ARHGEF1: variants seen among roughly 807,000 people sequenced by gnomAD.
The protein encoded by ARHGEF1 is Rho guanine nucleotide exchange factor 1, also known as 115 kDa guanine nucleotide exchange factor.
Under a neutral mutation model 119.7 loss-of-function variants are expected in ARHGEF1, and 40 were observed. The observed-to-expected ratio is 0.33, with a 90% CI of 0.26 to 0.44. The LOEUF (loss-of-function observed/expected upper bound fraction) is 0.44, where lower values mean the gene tolerates loss of function less well. Ranked by LOEUF, ARHGEF1 falls within the 20% of genes least tolerant of loss-of-function variation. The pLI, the probability that ARHGEF1 is intolerant of heterozygous loss-of-function variation, is 1.00. For synonymous variants in ARHGEF1, 494 were observed against 521.0 expected, an observed-to-expected ratio of 0.95 and a Z score of 0.71; for missense variants, 976 against 1,268.3, an observed-to-expected ratio of 0.77 and a Z score of 3.50.
chr19:41,892,545 G>T lies in ARHGEF1; in HGVS notation c.368-58G>T, dbSNP rs2074394327. On this transcript the variant is annotated intron_variant, in intron 6 of 28. Transcript: ENST00000354532. The surrounding 1 kb of genome is among the most constrained non-coding windows in gnomAD (Gnocchi z 6.3). ...GCTGTTGGAGTCCAAGGGTGGGTGG[G>T]GACCGTGGTCCAAGCCACCAGGGAG... 3.1e-5 allele frequency: 48 copies of T among 1,566,464 alleles called. No individual in the cohort carries two copies. In the South Asian group the frequency reaches 5.7e-4, roughly 19 times the overall value.
chr19:41,920,381 G>T (rs2074834677), upstream of ARHGEF1, among the ~76,000 whole-genome samples: 2 of 131,730 alleles, frequency 1.5e-5, no homozygotes, highest in African/African-American at 3.0e-5. Context: ...CATGTTCACA[G>T]ACATGACATG....
At chr19:41,893,179 G>A in intron 7 of ARHGEF1, 95 bp from the exon 8 acceptor site, 16 of 1,527,862 alleles carry the variant, frequency 1.0e-5, no homozygotes, top group Non-Finnish European at 1.4e-5. Context: ...TCTTCCCCCT[G>A]CCTATCCCAG....
rs1323540681 is a variant in ARHGEF1 at position 41,888,424 on chromosome 19, G to A, written c.111+146G>A. 11 of 782,730 alleles carry A rather than the reference G, an allele frequency of 1.4e-5. No individual in the cohort carries two copies. The highest frequency in any genetic ancestry group is 6.8e-5 in the South Asian group (4 of 58,446). The allele number at this position is 782,730 out of a possible 1,614,324, so 48.5% of individuals were successfully genotyped here. Reference sequence around the variant, plus strand: ...TCCCTGGTACCTCCTTCCTCACCTCGCCGACCCCACACAGCAGCATAGACG... The same window carrying A: ...TCCCTGGTACCTCCTTCCTCACCTCACCGACCCCACACAGCAGCATAGACG... On this transcript the variant is annotated intron_variant, in intron 3 of 28. Coordinates refer to ENST00000354532, the MANE Select transcript of ARHGEF1 (RefSeq NM_004706.4). The surrounding 1 kb of genome is among the most constrained non-coding windows in gnomAD (Gnocchi z 5.1).
chr19:41,925,645 G>C (rs1349578372), intron 1 of ARHGEF1, among the ~76,000 whole-genome samples: 3 of 152,118 alleles, frequency 2.0e-5, no homozygotes, highest in Admixed American at 2.0e-4. Flanking sequence ...TTGGGGTTAG[G>C]ACACAGGTGG....
Position 41,894,129 on chromosome 19 carries a change from T to TGTGA in ARHGEF1, c.645-75_645-74insAGTG, listed in dbSNP as rs1555846921. ...TCTAGGGGGAGAGAGAGAGAGTGTG[T>TGTGA]GTGTGAGTGTGTGTGTGTGTGTGTG... On this transcript the variant is annotated intron_variant, in intron 8 of 28. Transcript: ENST00000354532. 5.9e-5 allele frequency: 43 copies of TGTGA among 733,162 alleles called. No homozygotes were observed. In the African/African-American group the frequency reaches 9.6e-4, roughly 16 times the overall value. 45.4% of individuals were successfully genotyped at this position (733,162 alleles called of 1,614,324 possible).
chr19:41,915,188 G>C (rs969703600), intron 18 of ARHGEF1, among the ~76,000 whole-genome samples: 1 of 107,350 alleles, frequency 9.3e-6, no homozygotes, highest in African/African-American at 3.7e-5. Flanking sequence ...TTCTCTTCCC[G>C]ACGCTTTCAA....
chr19:41,884,281 C>A, intron 1 of ARHGEF1: 2 of 804,536 alleles, frequency 2.5e-6, no homozygotes, highest in Non-Finnish European at 3.9e-6. Flanking sequence ...CGCAGTACAG[C>A]GCTAGAGCGG....
chr19:41,905,413 G>A lies in ARHGEF1; in HGVS notation c.2336+152G>A. 1.5e-6 allele frequency: 1 copy of A among 679,686 alleles called. No individual in the cohort carries two copies. Among genetic ancestry groups the A allele is most frequent in the Non-Finnish European group, 2.5e-6 (1 of 405,034 alleles). The allele number at this position is 679,686 out of a possible 1,614,324, so 42.1% of individuals were successfully genotyped here. A position where few individuals can be genotyped will look rare whatever the true frequency, so the allele number is the denominator to read the frequency against. ...TACATGTGTGTCTGTACGCAAGTATGTGACTGTGCGTGCATATATAGTGTG... is the reference window on the plus strand; with the variant it reads ...TACATGTGTGTCTGTACGCAAGTATATGACTGTGCGTGCATATATAGTGTG... On this transcript the variant is annotated intron_variant, in intron 24 of 28. Coordinates refer to ENST00000354532, the MANE Select transcript of ARHGEF1 (RefSeq NM_004706.4). The surrounding 1 kb of genome is among the most constrained non-coding windows in gnomAD (Gnocchi z 6.4).
At chr19:41,893,181 C>G in intron 7 of ARHGEF1, 93 bp from the exon 8 acceptor site, 2 of 1,539,628 alleles carry the variant, frequency 1.3e-6, no homozygotes, top group Non-Finnish European at 1.8e-6. Flanking sequence ...TTCCCCCTGC[C>G]TATCCCAGGA....
chr19:41,914,134 C>T (rs918949853), intron 18 of ARHGEF1, among the ~76,000 whole-genome samples: 4 of 150,960 alleles, frequency 2.6e-5, no homozygotes, highest in African/African-American at 4.9e-5. Flanking sequence ...CAGACTCGCC[C>T]GGTCTCCCCA....
Position 41,907,191 on chromosome 19 carries a change from G to A in ARHGEF1, c.*104G>A, listed in dbSNP as rs935210628. Reference sequence around the variant, plus strand: ...GCTGCCGCAGCATCTCACACCCCGAGGGCCTGAGGAGAGGGAGCTGTGGGC... The same window carrying A: ...GCTGCCGCAGCATCTCACACCCCGAAGGCCTGAGGAGAGGGAGCTGTGGGC... On this transcript the variant is annotated 3_prime_UTR_variant, in exon 29 of 29. Coordinates refer to ENST00000354532, the MANE Select transcript of ARHGEF1 (RefSeq NM_004706.4). The A allele has an allele frequency of 5.3e-6, 8 of 1,523,416 alleles. No homozygotes were observed. Among genetic ancestry groups the A allele is most frequent in the Admixed American group, 2.1e-5 (1 of 48,480 alleles). The allele number at this position is 1,523,416 out of a possible 1,614,324, so 94.4% of individuals were successfully genotyped here.
intron 1 of ARHGEF1, among the ~76,000 whole-genome samples, 192 bp from the exon 2 acceptor site, chr19:41,887,872 G>A (rs1037078776): frequency 4.6e-5 from 7 of 152,192 alleles, no homozygotes; most frequent in Non-Finnish European, 2.9e-5. Context: ...CAAGGCTCCC[G>A]TCCCTGGGCT....
chr19:41,906,090 C>T lies in ARHGEF1; in HGVS notation c.2491+65C>T, dbSNP rs1296654667. The T allele has an allele frequency of 3.4e-6, 5 of 1,450,650 alleles. No individual in the cohort carries two copies. Among genetic ancestry groups the T allele is most frequent in the Non-Finnish European group, 3.8e-6 (4 of 1,041,510 alleles). The allele number at this position is 1,450,650 out of a possible 1,614,324, so 89.9% of individuals were successfully genotyped here. On this transcript the variant is annotated intron_variant, in intron 26 of 28. Transcript: ENST00000354532. The surrounding 1 kb of genome is among the most constrained non-coding windows in gnomAD (Gnocchi z 4.5). Reference sequence around the variant, plus strand: ...AACAGTGCCTCTGTTCCAACTAGAACAAGGCTCTCCACGTCAAAAATTTCC... The same window carrying T: ...AACAGTGCCTCTGTTCCAACTAGAATAAGGCTCTCCACGTCAAAAATTTCC...
In ARHGEF1 at chr19:41,904,801, T is replaced by C; in HGVS notation, c.2162-148T>C. ...GGGCTCAGGAGGACACATCGGGCCC[T>C]GGATATTAGCAGACAGTGAGTGGTG... On this transcript the variant is annotated intron_variant, in intron 22 of 28. Transcript: ENST00000354532. This position sits in a 1 kb window ranked among gnomAD's most constrained non-coding sequence, Gnocchi z 8.4. 1.5e-6 allele frequency: 1 copy of C among 679,392 alleles called. No individual in the cohort carries two copies. Among genetic ancestry groups the C allele is most frequent in the Non-Finnish European group, 2.6e-6 (1 of 384,436 alleles). 42.1% of individuals were successfully genotyped at this position (679,392 alleles called of 1,614,324 possible).
rs200018783 is a variant in ARHGEF1, at chr19:41,904,956, A to G, written c.2169A>G (p.Lys723=). The change falls in exon 23 of 29, where the codon AAA becomes AAG. Residue 723 remains lysine (K), a synonymous_variant. Coordinates refer to ENST00000354532, the MANE Select transcript of ARHGEF1 (RefSeq NM_004706.4). The surrounding 1 kb of genome is among the most constrained non-coding windows in gnomAD (Gnocchi z 8.4). ...AMTREVATDH[K]AFYVLFTWDQ... is the part of the protein sequence containing the mutation. ...CTCCCCCTCTCCCTGCAGATCACAA[A>G]GCCTTCTACGTCCTTTTTACCTGGG... 21 of 1,613,982 alleles carry G rather than the reference A, an allele frequency of 1.3e-5. No individual in the cohort carries two copies. The East Asian group carries it at 4.7e-4, about 36-fold the overall frequency.
chr19:41,886,543 A>G (rs1555845282), intron 1 of ARHGEF1, among the ~76,000 whole-genome samples: 1 of 152,152 alleles, frequency 6.6e-6, no homozygotes, highest in Admixed American at 6.5e-5. Flanking sequence ...GGCCTCCCAA[A>G]GTGCTGGGGT....
chr19:41,897,551 C>A (rs914048796), intron 13 of ARHGEF1: 2 of 262,154 alleles, frequency 7.6e-6, no homozygotes, highest in Admixed American at 1.1e-4. Flanking sequence ...CAGTCCTATG[C>A]TCCATCCTGG....
chr19:41,923,086 C>T (rs1367136181), upstream of ARHGEF1: 1 of 454,072 alleles, frequency 2.2e-6, no homozygotes, highest in African/African-American at 2.0e-5. Context: ...CTTTTGCTTC[C>T]CTCAGCACCC....
At chr19:41,898,176 T>C in intron 13 of ARHGEF1, 2 of 1,412,804 alleles carry the variant, frequency 1.4e-6, no homozygotes, top group Non-Finnish European at 1.8e-6. Flanking sequence ...GGAGGGATTG[T>C]TGTCAGAGTC....
Sources: gnomAD v4.1 joint callset for allele counts (sites outside exome capture counted in the v4.1 genomes callset) on GRCh38, gnomAD v4.1.1 for gene constraint, Gnocchi (gnomAD v3.1) non-coding constraint, MANE v1.5 for transcripts, NCBI Gene and HGNC (gene_info 2026-07-23, HGNC 2026-07-21) for gene names.